Variants in TMTC2 observed in about 807,000 individuals in gnomAD.
TMTC2 encodes transmembrane O-mannosyltransferase targeting cadherins 2.
A neutral mutation model predicts 82.4 loss-of-function variants in TMTC2; 43 were observed. The ratio of observed to expected loss-of-function variants is 0.52; its 90% CI spans 0.41 to 0.67. The LOEUF (loss-of-function observed/expected upper bound fraction) is 0.67, where lower values mean the gene tolerates loss of function less well. Among genes scored for constraint, TMTC2 ranks in the 30% least tolerant of loss-of-function variants. TMTC2 has a pLI of 0.00. For missense variants in TMTC2, 919 were observed against 1,012.4 expected, an observed-to-expected ratio of 0.91 and a Z score of 1.25; for synonymous variants, 408 against 381.9, an observed-to-expected ratio of 1.07 and a Z score of -0.80.
intron 1 of TMTC2, among the ~76,000 whole-genome samples, chr12:82,827,271 C>A (rs1869467308): frequency 6.6e-6 from 1 of 152,048 alleles, no homozygotes; most frequent in African/African-American, 2.4e-5. Context: ...CCTACTTTTT[C>A]CCTCTCTCAT....
chr12:82,899,663 A>G (rs967572119), intron 3 of TMTC2, among the ~76,000 whole-genome samples: 17 of 140,148 alleles, frequency 1.2e-4, no homozygotes, highest in Non-Finnish European at 9.1e-5. Flanking sequence ...ATATATATAT[A>G]AGAATATATA....
At chr12:83,082,669 ATAAG>A (rs1287918181) in intron 11 of TMTC2, among the ~76,000 whole-genome samples, 2 of 152,240 alleles carry the variant, frequency 1.3e-5, no homozygotes, top group African/African-American at 4.8e-5. Context: ...AATTTATTAA[ATAAG>A]TATGTGCTGT....
intron 3 of TMTC2, among the ~76,000 whole-genome samples, chr12:82,904,722 T>C (rs1874197063): frequency 6.6e-6 from 1 of 152,232 alleles, no homozygotes; most frequent in South Asian, 2.1e-4. Flanking sequence ...TAAAGCCATA[T>C]TGATTCGTAT....
At chr12:82,957,766 A>T (rs1336379786) in intron 4 of TMTC2, among the ~76,000 whole-genome samples, 1 of 152,138 alleles carries the variant, frequency 6.6e-6, no homozygotes, top group African/African-American at 2.4e-5. Flanking sequence ...GAGGAAATGG[A>T]TAAATTCCTG....
intron 1 of TMTC2, among the ~76,000 whole-genome samples, chr12:82,779,036 C>CAAAAA (rs1196960733): frequency 1.3e-5 from 1 of 75,178 alleles, no homozygotes; most frequent in Non-Finnish European, 2.8e-5. Context: ...GACTCCATAT[C>CAAAAA]AAAAAAAAAA....
intron 4 of TMTC2, among the ~76,000 whole-genome samples, chr12:82,930,897 T>C (rs1875991686): frequency 6.6e-6 from 1 of 152,158 alleles, no homozygotes; most frequent in Non-Finnish European, 1.5e-5. Context: ...ATGCAAATCA[T>C]GTGTTGATTA....
chr12:83,014,485 G>A (rs953164217), intron 8 of TMTC2, among the ~76,000 whole-genome samples: 6 of 152,058 alleles, frequency 3.9e-5, no homozygotes, highest in Admixed American at 6.6e-5. Context: ...GACTACAGGC[G>A]TCCGCCACCA....
chr12:82,912,051 GC>G (rs1874698102), intron 3 of TMTC2, among the ~76,000 whole-genome samples: 1 of 152,174 alleles, frequency 6.6e-6, no homozygotes, highest in Non-Finnish European at 1.5e-5. Flanking sequence ...CTGCCTCTCA[GC>G]CCATTCTTTC....
chr12:83,062,932 C>CA (rs147613076), intron 11 of TMTC2, among the ~76,000 whole-genome samples: 1 of 151,472 alleles, frequency 6.6e-6, no homozygotes, highest in Non-Finnish European at 1.5e-5. Context: ...TTTGTAGGGG[C>CA]AAAAAAACAT....
intron 1 of TMTC2, among the ~76,000 whole-genome samples, chr12:82,816,636 A>G (rs1868749392): frequency 1.3e-5 from 2 of 152,138 alleles, no homozygotes; most frequent in Admixed American, 6.6e-5. Flanking sequence ...CTTGGGACCC[A>G]CCAAAAACCT....
At chr12:82,708,066 C>G (rs1188764710) in intron 1 of TMTC2, among the ~76,000 whole-genome samples, 1 of 152,154 alleles carries the variant, frequency 6.6e-6, no homozygotes, top group East Asian at 1.9e-4. Flanking sequence ...TTTAAACCAG[C>G]CACGCCCATT....
At position 82,687,680 on chromosome 12, in the gene TMTC2, G is replaced by A. The variant is rs770963562; in HGVS notation, c.83+11G>A. ...CTGCTATGATGACAGGTAAGGGGCC[G>A]AGAGGAGGGGGCGACGGGCTGCAGG... On this transcript the variant is annotated intron_variant, in intron 1 of 11. Coordinates refer to ENST00000321196, the MANE Select transcript of TMTC2 (RefSeq NM_152588.3). The A allele has an allele frequency of 8.8e-6, 14 of 1,599,958 alleles. No homozygotes were observed. In the South Asian group the frequency reaches 1.0e-4, roughly 12 times the overall value.
intron 11 of TMTC2, among the ~76,000 whole-genome samples, chr12:83,075,954 A>C (rs1421055745): frequency 6.6e-6 from 1 of 152,204 alleles, no homozygotes; most frequent in Non-Finnish European, 1.5e-5. Flanking sequence ...ATCAGAAAAA[A>C]ATGTATTTCT....
At chr12:82,877,250 T>C (rs1283954884) in intron 2 of TMTC2, among the ~76,000 whole-genome samples, 1 of 152,164 alleles carries the variant, frequency 6.6e-6, no homozygotes, top group Non-Finnish European at 1.5e-5. Context: ...AGATTAAAAA[T>C]AACTTTCTCT....
intron 1 of TMTC2, among the ~76,000 whole-genome samples, chr12:82,727,069 T>C (rs1874492587): frequency 6.6e-6 from 1 of 151,534 alleles, no homozygotes; most frequent in South Asian, 2.1e-4. Context: ...GTTCCCCTTC[T>C]AATTCTGATC....
chr12:82,741,887 G>C (rs1875426830), intron 1 of TMTC2, among the ~76,000 whole-genome samples: 1 of 152,114 alleles, frequency 6.6e-6, no homozygotes, highest in East Asian at 1.9e-4. Flanking sequence ...CCTGTGGCTG[G>C]TATTACTGGT....
intron 1 of TMTC2, among the ~76,000 whole-genome samples, chr12:82,784,357 C>CA (rs1878069096): frequency 6.6e-6 from 1 of 151,996 alleles, no homozygotes; most frequent in African/African-American, 2.4e-5. Context: ...GGAGAACCTG[C>CA]ATATTAAGTG....
intron 4 of TMTC2, among the ~76,000 whole-genome samples, chr12:82,948,294 G>C (rs1364003645): frequency 1.3e-5 from 2 of 151,864 alleles, no homozygotes; most frequent in Non-Finnish European, 2.9e-5. Flanking sequence ...AAGCCCAAGA[G>C]ACTCAGGCTG....
intron 11 of TMTC2, among the ~76,000 whole-genome samples, chr12:83,122,819 T>C (rs148106826): frequency 1.9e-3 from 290 of 152,304 alleles, no homozygotes; most frequent in African/African-American, 6.6e-3. Flanking sequence ...CAATCAGAGC[T>C]GCAATCTAGT....
Sources: gnomAD v4.1 joint callset for allele counts (sites outside exome capture counted in the v4.1 genomes callset) on GRCh38, gnomAD v4.1.1 for gene constraint, MANE v1.5 for transcripts, NCBI Gene and HGNC (gene_info 2026-07-23, HGNC 2026-07-21) for gene names.